DPP6: variants seen among roughly 807,000 people sequenced by gnomAD.
The protein encoded by DPP6 is A-type potassium channel modulatory protein DPP6.
DPP6 carries 69 observed loss-of-function variants against 122.6 expected under a neutral mutation model. The observed-to-expected ratio is 0.56, with a 90% CI of 0.46 to 0.69. The LOEUF is 0.69. Ranked by LOEUF, DPP6 falls within the 30% of genes least tolerant of loss-of-function variation. DPP6 has a pLI of 0.00. For missense variants in DPP6, 928 were observed against 1,116.9 expected, an observed-to-expected ratio of 0.83 and a Z score of 2.41; for synonymous variants, 418 against 433.1, an observed-to-expected ratio of 0.97 and a Z score of 0.43.
chr7:154,511,929 T>C (rs960686952), intron 3 of DPP6, among the ~76,000 whole-genome samples: 2 of 152,228 alleles, frequency 1.3e-5, no homozygotes, highest in Non-Finnish European at 2.9e-5. Context: ...GAAGCACAGT[T>C]TTCTAGATGT....
At chr7:154,419,041 G>A (rs1004436998) in intron 1 of DPP6, among the ~76,000 whole-genome samples, 1 of 152,208 alleles carries the variant, frequency 6.6e-6, no homozygotes, top group Admixed American at 6.5e-5. Flanking sequence ...AGCATTTAGG[G>A]AATTGGATCA....
intron 6 of DPP6, among the ~76,000 whole-genome samples, chr7:154,655,427 A>T (rs1287142789): frequency 6.6e-6 from 1 of 151,208 alleles, no homozygotes; most frequent in Admixed American, 6.6e-5. Flanking sequence ...TTCCTTCATC[A>T]TTTTTTTTTA....
intron 1 of DPP6, among the ~76,000 whole-genome samples, chr7:153,919,723 A>G (rs552838138): frequency 2.4e-4 from 37 of 152,188 alleles, no homozygotes; most frequent in Non-Finnish European, 4.7e-4. Flanking sequence ...TATTGTGTCA[A>G]ATACTTCTAA....
chr7:154,521,915 C>T (rs1586531084), intron 3 of DPP6, among the ~76,000 whole-genome samples: 1 of 152,120 alleles, frequency 6.6e-6, no homozygotes, highest in East Asian at 1.9e-4. Flanking sequence ...AAATACAGTA[C>T]CTGGTTGCAT....
chr7:154,878,016 G>A (rs547624624), intron 20 of DPP6, among the ~76,000 whole-genome samples: 23 of 152,310 alleles, frequency 1.5e-4, no homozygotes, highest in African/African-American at 5.1e-4. Context: ...GTGGGGGCAC[G>A]AGTGCTCTCC....
At chr7:154,086,579 C>T (rs1804438018) in intron 1 of DPP6, among the ~76,000 whole-genome samples, 1 of 150,272 alleles carries the variant, frequency 6.7e-6, no homozygotes, top group African/African-American at 2.4e-5. Context: ...AGGCACAGTT[C>T]TGCAGATATA....
At chr7:154,801,522 G>T in intron 13 of DPP6, 60 bp downstream of exon 13, 1 of 1,508,446 alleles carries the variant, frequency 6.6e-7, no homozygotes, top group South Asian at 1.3e-5. Flanking sequence ...GCCGTGGGGT[G>T]ACAGCCTCTA....
At chr7:153,781,647 T>C in the DPP6 span, among the ~76,000 whole-genome samples, 1 of 152,102 alleles carries the variant, frequency 6.6e-6, no homozygotes, top group South Asian at 2.1e-4. Context: ...GCTGTCCTCA[T>C]AGGAGTCACC....
At chr7:154,344,237 C>T (rs532442175) in intron 1 of DPP6, among the ~76,000 whole-genome samples, 19 of 152,250 alleles carry the variant, frequency 1.2e-4, no homozygotes, top group African/African-American at 2.6e-4. Context: ...TTCTAACACC[C>T]GCTTCTTACC....
chr7:153,800,338 G>T, the DPP6 span, among the ~76,000 whole-genome samples: 1 of 152,214 alleles, frequency 6.6e-6, no homozygotes, highest in East Asian at 1.9e-4. Context: ...GACAAATATT[G>T]TATGGTCTCA....
intron 6 of DPP6, among the ~76,000 whole-genome samples, chr7:154,646,039 A>AAAAAAAG (rs1836456279): frequency 6.7e-6 from 1 of 149,570 alleles, no homozygotes; most frequent in Non-Finnish European, 1.5e-5. Flanking sequence ...AAAAAAAAAA[A>AAAAAAAG]AAAAAAGAAA....
At chr7:154,853,688 T>C in intron 16 of DPP6, 92 bp from the exon 17 acceptor site, 1 of 1,537,586 alleles carries the variant, frequency 6.5e-7, no homozygotes, top group Non-Finnish European at 8.8e-7. Context: ...CACGTCTATC[T>C]ACGTGGCATA....
chr7:154,580,422 G>T (rs1303108506), intron 5 of DPP6, among the ~76,000 whole-genome samples: 1 of 152,146 alleles, frequency 6.6e-6, no homozygotes, highest in Non-Finnish European at 1.5e-5. Context: ...ATGGAACGTT[G>T]CTCACTTGTT....
chr7:153,759,491 T>TTGTG, the DPP6 span, among the ~76,000 whole-genome samples: 6 of 151,298 alleles, frequency 4.0e-5, no homozygotes, highest in East Asian at 3.9e-4. Flanking sequence ...CCAGCTAATT[T>TTGTG]TGTGTGTGTG....
intron 1 of DPP6, among the ~76,000 whole-genome samples, chr7:154,287,371 T>C (rs1258536063): frequency 3.3e-5 from 5 of 152,152 alleles, no homozygotes; most frequent in African/African-American, 1.2e-4. Context: ...ATACAACGGG[T>C]TTCATTCTTC....
chr7:153,844,754 A>ACTT, the DPP6 span, among the ~76,000 whole-genome samples: 1 of 152,352 alleles, frequency 6.6e-6, no homozygotes, highest in Admixed American at 6.5e-5. Flanking sequence ...AAATTAATGC[A>ACTT]CTTTTTAAAT....
At chr7:154,752,076 G>A (rs1207856509) in intron 8 of DPP6, among the ~76,000 whole-genome samples, 2 of 152,164 alleles carry the variant, frequency 1.3e-5, no homozygotes, top group Non-Finnish European at 2.9e-5. Flanking sequence ...GCAAAGGGAG[G>A]AATGCGCCAT....
intron 5 of DPP6, among the ~76,000 whole-genome samples, chr7:154,619,717 A>G (rs1296583109): frequency 6.6e-6 from 1 of 152,232 alleles, no homozygotes; most frequent in East Asian, 1.9e-4. Flanking sequence ...ATAGATGTGT[A>G]TATGTGTAGA....
the DPP6 span, among the ~76,000 whole-genome samples, chr7:153,820,572 G>A: frequency 6.6e-6 from 1 of 152,138 alleles, no homozygotes; most frequent in Non-Finnish European, 1.5e-5. Context: ...AGGCATCCCC[G>A]GATGTTTTGA....
Sources: allele counts gnomAD v4.1 joint callset (sites outside exome capture counted in the v4.1 genomes callset), GRCh38; gene constraint gnomAD v4.1.1; transcripts MANE v1.5; gene names NCBI Gene and HGNC (gene_info 2026-07-23, HGNC 2026-07-21).